MYO10: variants seen among roughly 807,000 people sequenced by gnomAD.
MYO10 encodes myosin X.
A neutral mutation model predicts 257.3 loss-of-function variants in MYO10; 133 were observed. That is an observed-to-expected ratio of 0.52 (90% CI 0.45 to 0.60). MYO10 has a LOEUF of 0.60. MYO10 is among the 20% of genes least tolerant of loss of function. The pLI is 0.00. For synonymous variants in MYO10, 1,104 were observed against 1,028.6 expected (o/e 1.07, Z -1.40); for missense variants, 2,399 against 2,635.7 (o/e 0.91, Z 1.97).
At chr5:16,722,596 GTCTT>G (rs1739193324) in intron 19 of MYO10, among the ~76,000 whole-genome samples, 1 of 152,228 alleles carries the variant, frequency 6.6e-6, no homozygotes, top group African/African-American at 2.4e-5. Context: ...AGAAAGGATA[GTCTT>G]TCTAACAAAT....
rs181555573 is a variant in MYO10 at position 16,803,196 on chromosome 5, C to T, written c.280-8363G>A. On this transcript the variant is annotated intron_variant, in intron 3 of 40. Coordinates refer to ENST00000513610, the MANE Select transcript of MYO10 (RefSeq NM_012334.3). ...ATCCCAGCAGTTTGGGAGGCCGAGG[C>T]GGGAGGATCACTTGAGTCCAGGAGT... Among the ~76,000 whole-genome samples, 15 of 151,978 alleles carry T rather than the reference C, an allele frequency of 9.9e-5. No individual in the cohort carries two copies. In the East Asian group the frequency reaches 2.1e-3, roughly 22 times the overall value.
At chr5:16,795,653 T>C (rs943094314) in intron 3 of MYO10, among the ~76,000 whole-genome samples, 1 of 152,068 alleles carries the variant, frequency 6.6e-6, no homozygotes, top group African/African-American at 2.4e-5. Context: ...ATTGTGAATG[T>C]CCTTATTATT....
At chr5:16,864,778 G>A (rs1744195768) in intron 2 of MYO10, among the ~76,000 whole-genome samples, 1 of 152,108 alleles carries the variant, frequency 6.6e-6, no homozygotes, top group African/African-American at 2.4e-5. Flanking sequence ...TTCCATCTTT[G>A]AGCCACAAAA....
At position 16,914,930 on chromosome 5, in the gene MYO10, C is replaced by T. The variant is rs114333755; in HGVS notation, c.21+20858G>A. 7.7e-3 allele frequency among the ~76,000 whole-genome samples: 1,172 copies of T among 152,230 alleles called. 6 individuals carry two copies. The highest frequency in any genetic ancestry group is 0.013 in the Admixed American group (205 of 15,268). ...GATTAGAAATTAATATTGTAATATA[C>T]ATACATCACAAGATTAAAAGTATAA... On this transcript the variant is annotated intron_variant, in intron 1 of 40. Coordinates refer to ENST00000513610, the MANE Select transcript of MYO10 (RefSeq NM_012334.3).
intron 1 of MYO10, among the ~76,000 whole-genome samples, chr5:16,929,087 G>C (rs1054493882): frequency 1.1e-4 from 17 of 151,404 alleles, no homozygotes; most frequent in Admixed American, 9.9e-4. Context: ...CGAGTAGCTG[G>C]GACTACAGGT....
At chr5:16,869,158 G>A (rs1172169053) in intron 2 of MYO10, among the ~76,000 whole-genome samples, 1 of 151,398 alleles carries the variant, frequency 6.6e-6, no homozygotes, top group East Asian at 2.0e-4. Flanking sequence ...CTGAGTAGCT[G>A]GGACTACAGG....
rs1203871432 is a variant in MYO10 at position 16,681,452 on chromosome 5, A to G, written c.4241T>C (p.Leu1414Pro). Residue 1414 changes from leucine (L) to proline (P), a missense_variant, in exon 32 of 41, where the codon CTG becomes CCG. Physicochemically the swap from Leu to Pro is moderately conservative, Grantham distance 98. Transcript: ENST00000513610. ...GGTGAGTACAAACCACCGTTTCTTC[A>G]GTTTCAGTGAAGACATCTTTGGACT... ...KNSPKMSSLK[L>P]KKRWFVLTHN... The G allele has an allele frequency of 6.2e-7, 1 of 1,613,882 alleles. No homozygotes were observed. Among genetic ancestry groups the G allele is most frequent in the Non-Finnish European group, 8.5e-7 (1 of 1,179,864 alleles).
chr5:16,747,937 A>AAAAAAAAAAG (rs1560963379), intron 19 of MYO10, among the ~76,000 whole-genome samples: 20 of 122,980 alleles, frequency 1.6e-4, no homozygotes, highest in African/African-American at 3.8e-4. Context: ...AAAAAAAAAA[A>AAAAAAAAAAG]AAAAAAAAAG....
intron 2 of MYO10, among the ~76,000 whole-genome samples, chr5:16,820,300 C>A (rs1391466409): frequency 6.6e-6 from 1 of 152,220 alleles, no homozygotes; most frequent in East Asian, 1.9e-4. Context: ...ACGCCACATC[C>A]CCATGATGCC....
At chr5:16,682,128 T>G in intron 30 of MYO10, 115 bp from the exon 31 acceptor site, 1 of 1,216,066 alleles carries the variant, frequency 8.2e-7, no homozygotes, top group Non-Finnish European at 1.1e-6. Context: ...GGATATACAC[T>G]GCTAGGCTAT....
intron 21 of MYO10, among the ~76,000 whole-genome samples, chr5:16,706,532 T>C (rs1355665019): frequency 6.6e-6 from 1 of 152,124 alleles, no homozygotes; most frequent in Non-Finnish European, 1.5e-5. Context: ...CTCTTATGAG[T>C]GCTTAAAAGG....
chr5:16,754,766 AC>A, intron 19 of MYO10, 61 bp downstream of exon 19: 1 of 1,253,578 alleles, frequency 8.0e-7, no homozygotes, highest in South Asian at 1.6e-5. Context: ...TCTGTGAGTA[AC>A]CACCCCAGGA....
intron 25 of MYO10, 48 bp downstream of exon 25, chr5:16,700,915 G>C (rs946877712): frequency 4.3e-5 from 65 of 1,498,320 alleles, no homozygotes; most frequent in Middle Eastern, 2.1e-4. Flanking sequence ...ACAGGGGTGG[G>C]TGTGACCGGC....
intron 6 of MYO10, among the ~76,000 whole-genome samples, chr5:16,781,079 A>T (rs929442401): frequency 2.1e-5 from 3 of 145,426 alleles, no homozygotes; most frequent in African/African-American, 5.1e-5. Context: ...ATTTCACAGA[A>T]TTTTTTTTTT....
chr5:16,767,866 C>T (rs554832485), intron 10 of MYO10, among the ~76,000 whole-genome samples: 3 of 151,882 alleles, frequency 2.0e-5, no homozygotes, highest in South Asian at 2.1e-4. Flanking sequence ...TTAGTAGAGA[C>T]GGGGTTTCAC....
At chr5:16,838,498 G>A (rs1235807992) in intron 2 of MYO10, among the ~76,000 whole-genome samples, 1 of 152,156 alleles carries the variant, frequency 6.6e-6, no homozygotes, top group Admixed American at 6.5e-5. Context: ...AAAGTCTGGA[G>A]CCAGCACAGA....
chr5:16,673,650 T>G, intron 36 of MYO10, 32 bp downstream of exon 36: 1 of 1,596,730 alleles, frequency 6.3e-7, no homozygotes, highest in Non-Finnish European at 8.5e-7. Flanking sequence ...CAAAGGCATC[T>G]AACAGAACAA....
At position 16,892,126 on chromosome 5, in the gene MYO10, CAA is replaced by C. The variant is rs1491328949; in HGVS notation, c.22-14421_22-14420del. Reference sequence around the variant, plus strand: ...AATGCATCTACAGAAACCATGCTACCAAGAGAGAGAGGCAGGGCTGCTGGAAG... The same window carrying C: ...AATGCATCTACAGAAACCATGCTACCGAGAGAGAGGCAGGGCTGCTGGAAG... On this transcript the variant is annotated intron_variant, in intron 1 of 40. Coordinates refer to ENST00000513610, the MANE Select transcript of MYO10 (RefSeq NM_012334.3). 2.8e-3 allele frequency among the ~76,000 whole-genome samples: 426 copies of C among 151,624 alleles called. 3 individuals carry two copies. Among genetic ancestry groups the C allele is most frequent in the African/African-American group, 9.4e-3 (386 of 41,000 alleles).
rs1044176840 is a variant in MYO10 at position 16,665,655 on chromosome 5, T to C, written c.*1037A>G. The C allele has an allele frequency of 2.0e-5, 3 of 152,442 alleles. No homozygotes were observed. The highest frequency in any genetic ancestry group is 4.1e-4 in the South Asian group (2 of 4,836). 9.4% of individuals were successfully genotyped at this position (152,442 alleles called of 1,614,324 possible). A position where few individuals can be genotyped will look rare whatever the true frequency, so the allele number is the denominator to read the frequency against. On this transcript the variant is annotated 3_prime_UTR_variant, in exon 41 of 41. Transcript: ENST00000513610. ...TCCCCCATAGTCAACATGGTTATTA[T>C]ATCTGTAATCTATCCAGAATGATAG...
Sources: allele counts gnomAD v4.1 joint callset (sites outside exome capture counted in the v4.1 genomes callset), GRCh38; gene constraint gnomAD v4.1.1; transcripts MANE v1.5; gene names NCBI Gene and HGNC (gene_info 2026-07-23, HGNC 2026-07-21).